Variants in ARHGAP24 observed in about 807,000 individuals in gnomAD.
ARHGAP24 encodes Rho GTPase activating protein 24.
Under a neutral mutation model 76.4 loss-of-function variants are expected in ARHGAP24, and 50 were observed. That is an observed-to-expected ratio of 0.65 (90% CI 0.52 to 0.83). The LOEUF (loss-of-function observed/expected upper bound fraction) is 0.83. Among genes scored for constraint, ARHGAP24 ranks in the 40% least tolerant of loss-of-function variants. The pLI is 0.00. For synonymous variants in ARHGAP24, 345 were observed against 323.3 expected, an observed-to-expected ratio of 1.07 and a Z score of -0.72; for missense variants, 930 against 914.2, an observed-to-expected ratio of 1.02 and a Z score of -0.22.
intron 1 of ARHGAP24, among the ~76,000 whole-genome samples, chr4:85,476,623 A>G (rs1560501502): frequency 2.0e-5 from 3 of 152,254 alleles, no homozygotes; most frequent in Non-Finnish European, 2.9e-5. Flanking sequence ...AGTAGAGTTT[A>G]AGAGCTTTAC....
intron 1 of ARHGAP24, 91 bp from the exon 2 acceptor site, chr4:85,570,413 TCTTTCCTCTCTCTCTCTC>T: frequency 3.2e-5 from 13 of 407,152 alleles, no homozygotes; most frequent in South Asian, 4.5e-5. Context: ...TTTCTTTCTT[TCTTTCCTCTCTCTCTCTC>T]TTTTTTTTTT....
intron 5 of ARHGAP24, among the ~76,000 whole-genome samples, chr4:85,947,543 G>A (rs781646531): frequency 3.3e-5 from 5 of 152,136 alleles, no homozygotes; most frequent in Admixed American, 6.5e-5. Context: ...GGGAACACAA[G>A]CATTTAGACC....
chr4:85,630,127 G>T (rs932294888), intron 2 of ARHGAP24, among the ~76,000 whole-genome samples: 1 of 152,004 alleles, frequency 6.6e-6, no homozygotes, highest in Non-Finnish European at 1.5e-5. Flanking sequence ...TGAGTCTGCG[G>T]TTGAATCTTT....
At chr4:85,991,969 G>A (rs974797899) in intron 8 of ARHGAP24, 2 of 390,508 alleles carry the variant, frequency 5.1e-6, no homozygotes, top group Non-Finnish European at 9.0e-6. Flanking sequence ...CAAATTTTTA[G>A]CCAATGCTTA....
intron 2 of ARHGAP24, among the ~76,000 whole-genome samples, chr4:85,583,543 A>T (rs1307651525): frequency 6.6e-6 from 1 of 152,130 alleles, no homozygotes; most frequent in Non-Finnish European, 1.5e-5. Context: ...CAAGGACTTC[A>T]TGTCTAAAAC....
At chr4:85,976,408 C>T (rs534906575) in intron 7 of ARHGAP24, among the ~76,000 whole-genome samples, 1 of 152,106 alleles carries the variant, frequency 6.6e-6, no homozygotes, top group Non-Finnish European at 1.5e-5. Context: ...GAAGATCCCC[C>T]CTCTGGTACC....
intron 2 of ARHGAP24, among the ~76,000 whole-genome samples, chr4:85,645,670 G>A (rs1046593337): frequency 3.9e-5 from 6 of 152,092 alleles, no homozygotes; most frequent in Middle Eastern, 3.4e-3. Context: ...CATTTTAACC[G>A]TAAAAAGAAG....
At chr4:85,487,946 C>G (rs2110091952) in intron 1 of ARHGAP24, among the ~76,000 whole-genome samples, 1 of 143,176 alleles carries the variant, frequency 7.0e-6, no homozygotes, top group Non-Finnish European at 1.5e-5. Context: ...TGCTCTGTCG[C>G]CCGGGCTGTA....
At chr4:85,722,577 C>T (rs1441576207) in intron 3 of ARHGAP24, 1 of 156,612 alleles carries the variant, frequency 6.4e-6, no homozygotes, top group East Asian at 1.9e-4. Context: ...TTGAAACATC[C>T]TTTCGTTTTT....
rs66483749 is a variant in ARHGAP24, at chr4:85,570,390, CT to C, written c.-20-129del. ...TCTTTCTTTCTTTCTTTCTTTCTTT[CT>C]TTCTTTCTTTCTTTCTTTCTTTCTT... On this transcript the variant is annotated intron_variant, in intron 1 of 9. Coordinates refer to ENST00000395184, the MANE Select transcript of ARHGAP24 (RefSeq NM_001025616.3). 30 of 14,174 alleles carry C rather than the reference CT, an allele frequency of 2.1e-3. 11 individuals carry two copies. The highest frequency in any genetic ancestry group is 0.014 in the South Asian group (6 of 430). 0.9% of individuals were successfully genotyped at this position (14,174 alleles called of 1,614,324 possible). A position where few individuals can be genotyped will look rare whatever the true frequency, so the allele number is the denominator to read the frequency against.
intron 2 of ARHGAP24, among the ~76,000 whole-genome samples, chr4:85,680,019 C>T (rs932194957): frequency 8.5e-5 from 13 of 152,166 alleles, no homozygotes; most frequent in Non-Finnish European, 1.6e-4. Flanking sequence ...GCTTCTACCT[C>T]CCTTCGAGGA....
chr4:85,808,517 C>T (rs939086427), intron 3 of ARHGAP24, among the ~76,000 whole-genome samples: 6 of 152,134 alleles, frequency 3.9e-5, no homozygotes, highest in African/African-American at 1.4e-4. Flanking sequence ...GCCGGTGTTC[C>T]TTAGCCTGTC....
At chr4:85,508,429 T>A (rs1460146440) in intron 1 of ARHGAP24, among the ~76,000 whole-genome samples, 1 of 152,204 alleles carries the variant, frequency 6.6e-6, no homozygotes, top group Non-Finnish European at 1.5e-5. Context: ...ACAGGAGTGA[T>A]CTTCCATTCA....
At chr4:85,584,717 G>A (rs796081116) in intron 2 of ARHGAP24, among the ~76,000 whole-genome samples, 13 of 152,178 alleles carry the variant, frequency 8.5e-5, no homozygotes, top group African/African-American at 3.1e-4. Flanking sequence ...ATATGGGCAG[G>A]ATCCAAACTA....
chr4:85,915,573 C>T lies in ARHGAP24; in HGVS notation c.269-8075C>T, dbSNP rs57028221. Among the ~76,000 whole-genome samples the T allele has an allele frequency of 5.8e-3, 883 of 152,120 alleles. 10 individuals carry two copies. The highest frequency in any genetic ancestry group is 0.018 in the African/African-American group (755 of 41,492). On this transcript the variant is annotated intron_variant, in intron 3 of 9. Transcript: ENST00000395184. ...CTCTTAATGCTATCCCTCCCCTAGC[C>T]CCCCACGCCCCAATAAGCCCCAGTG...
At chr4:85,942,588 T>C (rs1276092508) in intron 5 of ARHGAP24, 3 of 269,628 alleles carry the variant, frequency 1.1e-5, no homozygotes, top group Non-Finnish European at 2.1e-5. Flanking sequence ...TCTTGCTTAA[T>C]GTTTTTAAAT....
At chr4:85,986,439 A>G (rs908143792) in intron 8 of ARHGAP24, among the ~76,000 whole-genome samples, 2 of 152,186 alleles carry the variant, frequency 1.3e-5, no homozygotes, top group Non-Finnish European at 2.9e-5. Flanking sequence ...CAGGCAATAC[A>G]TGCCTATGAT....
intron 3 of ARHGAP24, among the ~76,000 whole-genome samples, chr4:85,871,253 C>T (rs1001176985): frequency 2.0e-5 from 3 of 151,826 alleles, no homozygotes; most frequent in African/African-American, 7.3e-5. Flanking sequence ...AGAAATAATA[C>T]AAAATTATGA....
chr4:85,580,249 G>A (rs1578052246), intron 2 of ARHGAP24, among the ~76,000 whole-genome samples: 1 of 152,084 alleles, frequency 6.6e-6, no homozygotes, highest in Non-Finnish European at 1.5e-5. Context: ...GAACTGGTGA[G>A]AACAGGTGAG....
Sources: allele counts gnomAD v4.1 joint callset (sites outside exome capture counted in the v4.1 genomes callset), GRCh38; gene constraint gnomAD v4.1.1; transcripts MANE v1.5; gene names NCBI Gene and HGNC (gene_info 2026-07-23, HGNC 2026-07-21).